PTPRB: variants seen among roughly 807,000 people sequenced by gnomAD.
PTPRB encodes the protein protein tyrosine phosphatase receptor type B.
Under a neutral mutation model 238.1 loss-of-function variants are expected in PTPRB, and 97 were observed. The observed-to-expected ratio is 0.41, with a 90% CI of 0.35 to 0.48. The LOEUF (loss-of-function observed/expected upper bound fraction) is 0.48. Ranked by LOEUF, PTPRB falls within the 20% of genes least tolerant of loss-of-function variation. PTPRB has a pLI of 0.30. For missense variants in PTPRB, 2,292 were observed against 2,681.9 expected, an observed-to-expected ratio of 0.85 and a Z score of 3.21; for synonymous variants, 970 against 995.4, an observed-to-expected ratio of 0.97 and a Z score of 0.48.
chr12:70,614,015 G>A (rs1030852365), intron 3 of PTPRB, among the ~76,000 whole-genome samples: 7 of 152,180 alleles, frequency 4.6e-5, no homozygotes, highest in African/African-American at 1.7e-4. Context: ...AAAGTGAAGA[G>A]AGGGAAGATG....
rs1871626817 is a variant in PTPRB at position 70,521,327 on chromosome 12, C to T, written c.*162G>A. 2 of 478,650 alleles carry T rather than the reference C, an allele frequency of 4.2e-6. No individual in the cohort carries two copies. Among genetic ancestry groups the T allele is most frequent in the African/African-American group, 4.0e-5 (2 of 50,544 alleles). The allele number at this position is 478,650 out of a possible 1,614,324, so 29.7% of individuals were successfully genotyped here. A position where few individuals can be genotyped will look rare whatever the true frequency, so the allele number is the denominator to read the frequency against. ...AAAATACAACTATGTACAATAATAT[C>T]TGTTACCTTTAAATTATATAAAATT... On this transcript the variant is annotated 3_prime_UTR_variant, in exon 34 of 34. Transcript: ENST00000334414.
Position 70,569,880 on chromosome 12 carries a change from C to T in PTPRB, c.3429G>A (p.Thr1143=), listed in dbSNP as rs375922979. The T allele has an allele frequency of 1.7e-5, 28 of 1,613,420 alleles. No individual in the cohort carries two copies. The highest frequency in any genetic ancestry group is 2.2e-5 in the East Asian group (1 of 44,896). ...CTCCCCCACCAGGAGTCCAGTTCAC[C>T]GTCAGGCTATCTGTTGCTCCATTGG... ...ISPNGATDSL[T]VNWTPGGGDV... Residue 1143 remains threonine (T), a synonymous_variant, in exon 14 of 34, where the codon ACG becomes ACA. Coordinates refer to ENST00000334414, the MANE Select transcript of PTPRB (RefSeq NM_001109754.4).
At chr12:70,627,819 T>C (rs956511530) in intron 2 of PTPRB, among the ~76,000 whole-genome samples, 1 of 152,158 alleles carries the variant, frequency 6.6e-6, no homozygotes, top group East Asian at 1.9e-4. Context: ...TGACAGCCAA[T>C]TTAGTACAAG....
intron 4 of PTPRB, among the ~76,000 whole-genome samples, chr12:70,604,296 G>C (rs1211108585): frequency 6.6e-6 from 1 of 151,992 alleles, no homozygotes. Flanking sequence ...AAATACTAGA[G>C]TACTCTTCTC....
At chr12:70,612,456 T>G (rs1884498651) in intron 3 of PTPRB, among the ~76,000 whole-genome samples, 1 of 152,200 alleles carries the variant, frequency 6.6e-6, no homozygotes, top group African/African-American at 2.4e-5. Flanking sequence ...GTTCTCATCT[T>G]TGTTTGGAAT....
At chr12:70,616,943 G>A (rs772129288) in intron 3 of PTPRB, among the ~76,000 whole-genome samples, 11 of 152,130 alleles carry the variant, frequency 7.2e-5, no homozygotes, top group Non-Finnish European at 1.5e-4. Context: ...TAAAATAGTT[G>A]GCCTTGCAAA....
At chr12:70,614,210 T>C (rs1240924511) in intron 3 of PTPRB, among the ~76,000 whole-genome samples, 1 of 152,210 alleles carries the variant, frequency 6.6e-6, no homozygotes, top group African/African-American at 2.4e-5. Flanking sequence ...TGTATTTTAA[T>C]AGGCCTTCCA....
Position 70,592,470 on chromosome 12 carries a change from G to C in PTPRB, c.1592C>G (p.Pro531Arg). The C allele has an allele frequency of 1.9e-6, 3 of 1,613,808 alleles. No individual in the cohort carries two copies. The highest frequency in any genetic ancestry group is 2.5e-6 in the Non-Finnish European group (3 of 1,179,756). The change falls in exon 7 of 34, where the codon CCT (proline) becomes CGT (arginine). Residue 531 changes from proline (P) to arginine (R), a missense_variant. Coordinates refer to ENST00000334414, the MANE Select transcript of PTPRB (RefSeq NM_001109754.4). ...LTSLKVKWQR[P>R]PGNVDSYNIT... ...ATTGTAAGAATCCACATTTCCAGGA[G>C]GTCTTTGCCATTTGACTTTTAGAGA...
chr12:70,614,052 G>T (rs571824977), intron 3 of PTPRB, among the ~76,000 whole-genome samples: 65 of 152,156 alleles, frequency 4.3e-4, no homozygotes, highest in Non-Finnish European at 7.9e-4. Flanking sequence ...AAGGAGGAGG[G>T]AGGCAGTACC....
At chr12:70,582,649 T>C (rs1050560792) in intron 9 of PTPRB, among the ~76,000 whole-genome samples, 4 of 152,134 alleles carry the variant, frequency 2.6e-5, no homozygotes, top group Non-Finnish European at 5.9e-5. Flanking sequence ...TCTCACATCA[T>C]ATATAAAAAT....
At chr12:70,564,836 AAATAATAAATAATAATAATAATAATAAT>A (rs1253573785) in intron 15 of PTPRB, among the ~76,000 whole-genome samples, 4 of 32,742 alleles carry the variant, frequency 1.2e-4, no homozygotes, top group African/African-American at 3.2e-4. Context: ...CTGTCTCCAA[AAATAATAAATAATAATAATAATAATAAT>A]AATAATAATA....
intron 3 of PTPRB, among the ~76,000 whole-genome samples, chr12:70,610,424 TC>T (rs1555237924): frequency 2.4e-5 from 2 of 83,860 alleles, no homozygotes; most frequent in Non-Finnish European, 4.7e-5. Flanking sequence ...ACCCAGCGTC[TC>T]CCCCTCCCTA....
At chr12:70,539,481 T>G (rs1484517699) in intron 26 of PTPRB, 144 bp downstream of exon 26, 1 of 664,468 alleles carries the variant, frequency 1.5e-6, no homozygotes, top group East Asian at 2.7e-5. Context: ...GGGCATAGTT[T>G]AGGCATAAAA....
chr12:70,612,469 C>T (rs1008866467), intron 3 of PTPRB, among the ~76,000 whole-genome samples: 2 of 152,012 alleles, frequency 1.3e-5, no homozygotes, highest in Admixed American at 6.5e-5. Flanking sequence ...TTTGGAATTC[C>T]TCAACTTCTC....
chr12:70,613,568 C>T (rs1157043755), intron 3 of PTPRB, among the ~76,000 whole-genome samples: 1 of 152,078 alleles, frequency 6.6e-6, no homozygotes. Flanking sequence ...CCTTTCTGAC[C>T]TCACAAGGAA....
chr12:70,573,248 G>GTA (rs1880297099), intron 11 of PTPRB, among the ~76,000 whole-genome samples: 1 of 152,064 alleles, frequency 6.6e-6, no homozygotes, highest in Admixed American at 6.5e-5. Context: ...TTTTAGGCCT[G>GTA]TATATAAATG....
intron 33 of PTPRB, among the ~76,000 whole-genome samples, chr12:70,524,222 C>A (rs560209443): frequency 1.3e-5 from 2 of 152,150 alleles, no homozygotes; most frequent in Non-Finnish European, 2.9e-5. Flanking sequence ...GATCCTCCCC[C>A]TCAGCCTCCC....
At chr12:70,580,805 C>T (rs188711827) in intron 10 of PTPRB, among the ~76,000 whole-genome samples, 1,670 of 147,862 alleles carry the variant, frequency 0.011, 30 homozygotes, top group African/African-American at 0.04. Context: ...GCAACCAGAG[C>T]GAAATTCCGT....
At chr12:70,601,306 C>T (rs1469891130) in intron 4 of PTPRB, among the ~76,000 whole-genome samples, 3 of 152,036 alleles carry the variant, frequency 2.0e-5, no homozygotes, top group Non-Finnish European at 2.9e-5. Context: ...CCGCCTCTTC[C>T]TTATTTTCCG....
Sources: allele counts gnomAD v4.1 joint callset (sites outside exome capture counted in the v4.1 genomes callset), GRCh38; gene constraint gnomAD v4.1.1; transcripts MANE v1.5; gene names NCBI Gene and HGNC (gene_info 2026-07-23, HGNC 2026-07-21).